The following CTNNA3 variants were observed in gnomAD, a reference collection of about 807,000 sequenced individuals.
The protein encoded by CTNNA3 is catenin alpha-3.
A neutral mutation model predicts 95.7 loss-of-function variants in CTNNA3; 76 were observed. The ratio of observed to expected loss-of-function variants is 0.79; its 90% CI spans 0.66 to 0.96. The LOEUF (loss-of-function observed/expected upper bound fraction) is 0.96, where lower values mean the gene tolerates loss of function less well. Among genes scored for constraint, CTNNA3 ranks in the 40% least tolerant of loss-of-function variants. CTNNA3 has a pLI of 0.00. For synonymous variants in CTNNA3, 431 were observed against 374.4 expected, an observed-to-expected ratio of 1.15 and a Z score of -1.74; for missense variants, 1,191 against 1,089.8, an observed-to-expected ratio of 1.09 and a Z score of -1.31.
chr10:66,016,235 C>A (rs1281972402), intron 15 of CTNNA3, among the ~76,000 whole-genome samples: 1 of 152,150 alleles, frequency 6.6e-6, no homozygotes, highest in Non-Finnish European at 1.5e-5. Context: ...ATGTAACCAG[C>A]CAGAAGGCCT....
At chr10:67,558,324 T>G (rs1306961127) in intron 3 of CTNNA3, among the ~76,000 whole-genome samples, 5 of 152,236 alleles carry the variant, frequency 3.3e-5, no homozygotes. Flanking sequence ...CTTAAAACAC[T>G]TTTAAAACTG....
At chr10:66,602,098 A>C (rs2132260125) in intron 10 of CTNNA3, among the ~76,000 whole-genome samples, 1 of 152,060 alleles carries the variant, frequency 6.6e-6, no homozygotes, top group East Asian at 1.9e-4. Flanking sequence ...ATGATTGCTT[A>C]GATTTGTATA....
At chr10:66,037,140 G>A (rs1589277143) in intron 15 of CTNNA3, among the ~76,000 whole-genome samples, 1 of 151,986 alleles carries the variant, frequency 6.6e-6, no homozygotes, top group East Asian at 1.9e-4. Flanking sequence ...CCAAAGTGCT[G>A]GGATTACAGG....
intron 13 of CTNNA3, among the ~76,000 whole-genome samples, chr10:66,191,391 G>T (rs976590027): frequency 6.6e-6 from 1 of 152,076 alleles, no homozygotes; most frequent in Non-Finnish European, 1.5e-5. Flanking sequence ...AATCTCTCCA[G>T]AATAGCCTGT....
chr10:67,058,414 T>C (rs1855567035), intron 7 of CTNNA3, among the ~76,000 whole-genome samples: 2 of 152,204 alleles, frequency 1.3e-5, no homozygotes, highest in Admixed American at 1.3e-4. Context: ...ACAGGTACAA[T>C]TTCTGGCTGT....
intron 13 of CTNNA3, among the ~76,000 whole-genome samples, chr10:66,240,563 A>T (rs1481176853): frequency 6.6e-6 from 1 of 152,114 alleles, no homozygotes; most frequent in Non-Finnish European, 1.5e-5. Context: ...AAAGGAACAG[A>T]TGCTCTTTGT....
At chr10:66,224,118 T>C (rs1041250838) in intron 13 of CTNNA3, among the ~76,000 whole-genome samples, 2 of 152,180 alleles carry the variant, frequency 1.3e-5, no homozygotes, top group Non-Finnish European at 2.9e-5. Flanking sequence ...AGCTGAGGCA[T>C]CTCATATCTT....
In CTNNA3 at chr10:66,484,061, A is replaced by G. The variant is rs532116985; in HGVS notation, c.1531+36556T>C. On this transcript the variant is annotated intron_variant, in intron 11 of 17. Coordinates refer to ENST00000433211, the MANE Select transcript of CTNNA3 (RefSeq NM_013266.4). ...TTACTCTATTTTCCTTGTGGTTGCT[A>G]TAAGTATATTAGCACCCTTGGAGAC... 4.6e-5 allele frequency among the ~76,000 whole-genome samples: 7 copies of G among 152,232 alleles called. 1 individual carries two copies. The highest frequency in any genetic ancestry group is 3.9e-4 in the East Asian group (2 of 5,182).
chr10:67,368,692 C>G (rs1174452082), intron 5 of CTNNA3, among the ~76,000 whole-genome samples: 1 of 152,114 alleles, frequency 6.6e-6, no homozygotes, highest in Non-Finnish European at 1.5e-5. Context: ...TTTAAAACTA[C>G]TGATAAACAC....
chr10:66,909,097 G>A (rs1451608909), intron 7 of CTNNA3, among the ~76,000 whole-genome samples: 5 of 152,140 alleles, frequency 3.3e-5, no homozygotes, highest in Non-Finnish European at 5.9e-5. Flanking sequence ...GCCCACTTAA[G>A]CTAGGAGCCA....
chr10:66,656,795 A>G (rs1013272944), intron 9 of CTNNA3, among the ~76,000 whole-genome samples: 26 of 152,018 alleles, frequency 1.7e-4, no homozygotes, highest in Admixed American at 1.6e-3. Flanking sequence ...TGTTGGGGGA[A>G]GAGAGAGGAA....
chr10:66,651,925 C>T (rs1845921151), intron 9 of CTNNA3, among the ~76,000 whole-genome samples: 1 of 151,792 alleles, frequency 6.6e-6, no homozygotes, highest in Non-Finnish European at 1.5e-5. Flanking sequence ...CAAATGGTGG[C>T]CAGAGTAGAT....
intron 5 of CTNNA3, among the ~76,000 whole-genome samples, chr10:67,469,655 T>C (rs1367347976): frequency 6.6e-6 from 1 of 152,140 alleles, no homozygotes; most frequent in Admixed American, 6.5e-5. Context: ...AAATACCTAA[T>C]GTCAATGATG....
chr10:66,947,279 G>A (rs560156423), intron 7 of CTNNA3, among the ~76,000 whole-genome samples: 5 of 152,142 alleles, frequency 3.3e-5, no homozygotes, highest in Non-Finnish European at 7.4e-5. Flanking sequence ...ATCTTGTACA[G>A]ATGCATTTCT....
chr10:66,389,346 T>C (rs1784755258), intron 11 of CTNNA3, among the ~76,000 whole-genome samples: 1 of 152,110 alleles, frequency 6.6e-6, no homozygotes, highest in African/African-American at 2.4e-5. Context: ...TGTCACATAG[T>C]GAAGATTTTT....
Position 66,442,566 on chromosome 10 carries a change from A to T in CTNNA3, c.1532-63214T>A, listed in dbSNP as rs140210753. On this transcript the variant is annotated intron_variant, in intron 11 of 17. Transcript: ENST00000433211. ...ATATGAAACAAGCAAGTTTTTTCTC[A>T]TATTGTTTGCACCAAAGAAAGTTGC... 4.2e-4 allele frequency among the ~76,000 whole-genome samples: 64 copies of T among 152,338 alleles called. No individual in the cohort carries two copies. In the Middle Eastern group the frequency reaches 0.014, roughly 32 times the overall value.
chr10:66,521,112 G>A (rs1283580962), intron 10 of CTNNA3, among the ~76,000 whole-genome samples: 3 of 150,868 alleles, frequency 2.0e-5, no homozygotes, highest in African/African-American at 7.3e-5. Flanking sequence ...ATCGACAATA[G>A]GAAAAACAGT....
chr10:67,139,299 A>ATTTTTT (rs60290459), intron 7 of CTNNA3, among the ~76,000 whole-genome samples: 51 of 117,854 alleles, frequency 4.3e-4, no homozygotes, highest in East Asian at 7.3e-4. Flanking sequence ...CGCCCGGCTA[A>ATTTTTT]TTTTTTTTTT....
intron 13 of CTNNA3, among the ~76,000 whole-genome samples, chr10:66,120,646 A>G (rs926142388): frequency 6.6e-6 from 1 of 152,228 alleles, no homozygotes; most frequent in African/African-American, 2.4e-5. Flanking sequence ...AGCTGCTAAC[A>G]CAATTAAGAA....
Sources: allele counts gnomAD v4.1 joint callset (sites outside exome capture counted in the v4.1 genomes callset), GRCh38; gene constraint gnomAD v4.1.1; transcripts MANE v1.5; gene names NCBI Gene and HGNC (gene_info 2026-07-23, HGNC 2026-07-21).